The following CACNA1S variants were observed in gnomAD, a reference collection of about 807,000 sequenced individuals.
The protein encoded by CACNA1S is calcium voltage-gated channel subunit alpha1 S, also known as voltage-dependent L-type calcium channel subunit alpha-1S.
A neutral mutation model predicts 207.4 loss-of-function variants in CACNA1S; 126 were observed. That is an observed-to-expected ratio of 0.61 (90% CI 0.53 to 0.70). CACNA1S has a LOEUF of 0.70. Among genes scored for constraint, CACNA1S ranks in the 30% least tolerant of loss-of-function variants. The pLI, the probability that CACNA1S is intolerant of heterozygous loss-of-function variation, is 0.00. For synonymous variants in CACNA1S, 960 were observed against 932.7 expected, an observed-to-expected ratio of 1.03 and a Z score of -0.53; for missense variants, 2,349 against 2,422.8, an observed-to-expected ratio of 0.97 and a Z score of 0.64.
chr1:201,045,069 T>A (rs1261247906), intron 38 of CACNA1S, among the ~76,000 whole-genome samples: 1 of 152,242 alleles, frequency 6.6e-6, no homozygotes, highest in Non-Finnish European at 1.5e-5. Flanking sequence ...GTCTTCTAGA[T>A]TGGTGATCTT....
chr1:201,077,192 G>C, intron 11 of CACNA1S, 65 bp from the exon 12 acceptor site: 1 of 1,397,652 alleles, frequency 7.2e-7, no homozygotes, highest in Non-Finnish European at 1.0e-6. Context: ...ACGAGGTGTG[G>C]ACAGGCTTGG....
At chr1:201,057,591 T>G (rs927877138) in intron 28 of CACNA1S, among the ~76,000 whole-genome samples, 1 of 152,248 alleles carries the variant, frequency 6.6e-6, no homozygotes, top group South Asian at 2.1e-4. Flanking sequence ...AATAAATGAG[T>G]GAGTCTTCTA....
intron 26 of CACNA1S, among the ~76,000 whole-genome samples, chr1:201,059,627 C>T (rs188853601): frequency 2.6e-5 from 4 of 152,292 alleles, no homozygotes; most frequent in African/African-American, 9.6e-5. Context: ...TTTGGGAGGA[C>T]CAGGATGGCA....
At chr1:201,095,291 G>A (rs997409359) in intron 2 of CACNA1S, among the ~76,000 whole-genome samples, 1 of 151,990 alleles carries the variant, frequency 6.6e-6, no homozygotes, top group Non-Finnish European at 1.5e-5. Context: ...ATCACCATTA[G>A]TCTGCAACAC....
chr1:201,101,789 G>A (rs1032623575), intron 2 of CACNA1S, among the ~76,000 whole-genome samples: 1 of 152,148 alleles, frequency 6.6e-6, no homozygotes, highest in African/African-American at 2.4e-5. Context: ...GGCCAGCCCC[G>A]ATGGCCCTTG....
intron 12 of CACNA1S, among the ~76,000 whole-genome samples, chr1:201,076,068 G>A (rs1381700443): frequency 2.6e-5 from 4 of 152,066 alleles, no homozygotes; most frequent in African/African-American, 4.8e-5. Flanking sequence ...ACTCCATCTC[G>A]AAAAACAAAA....
chr1:201,072,653 A>C (rs1661465674), intron 16 of CACNA1S, 102 bp downstream of exon 16: 1 of 834,642 alleles, frequency 1.2e-6, no homozygotes, highest in African/African-American at 1.7e-5. Flanking sequence ...GGAGGGGTAC[A>C]GGTAGGGACA....
rs1254928185 is a variant in CACNA1S at position 201,053,744 on chromosome 1, G to C, written c.3667-157C>G. On this transcript the variant is annotated intron_variant, in intron 29 of 43. Transcript: ENST00000362061. This position sits in a 1 kb window ranked among gnomAD's most constrained non-coding sequence, Gnocchi z 5.1. ...TGGCCCCTGCTGTCCACTAGTTCGG[G>C]ACCATCCTTGGGCACAGGGCTCTGG... Among the ~76,000 whole-genome samples the C allele has an allele frequency of 1.3e-5, 2 of 152,168 alleles. No individual in the cohort carries two copies. Among genetic ancestry groups the C allele is most frequent in the African/African-American group, 4.8e-5 (2 of 41,448 alleles).
intron 2 of CACNA1S, among the ~76,000 whole-genome samples, chr1:201,103,853 C>T (rs944961209): frequency 1.3e-5 from 2 of 152,152 alleles, no homozygotes; most frequent in Admixed American, 6.5e-5. Flanking sequence ...GCTCCAGCCT[C>T]GTGGAGGACG....
In CACNA1S at chr1:201,047,861, C is replaced by T. The variant is rs1660519305; in HGVS notation, c.4442-235G>A. 2.0e-5 allele frequency among the ~76,000 whole-genome samples: 3 copies of T among 152,326 alleles called. No homozygotes were observed. In the South Asian group the frequency reaches 6.2e-4, roughly 32 times the overall value. ...CCCCACAGGCCTTGGCTTCCAGTGC[C>T]CAGAGTGGTTGGTTTTACAGGCTGT... is the stretch of plus-strand genomic sequence containing the variant. On this transcript the variant is annotated intron_variant, in intron 36 of 43. Coordinates refer to ENST00000362061, the MANE Select transcript of CACNA1S (RefSeq NM_000069.3).
In CACNA1S at chr1:201,070,330, C is replaced by A; in HGVS notation, c.2302G>T (p.Glu768Ter). 1 of 1,614,128 alleles carries A rather than the reference C, an allele frequency of 6.2e-7. No individual in the cohort carries two copies. The highest frequency in any genetic ancestry group is 1.1e-5 in the South Asian group (1 of 91,082). The change falls in exon 17 of 44, where the codon GAG (glutamate) becomes TAG (stop). Residue 768 changes from glutamate to a stop codon, truncating the protein, a stop_gained. Transcript: ENST00000362061. LOFTEE classifies it high-confidence loss of function. ...PRPLAELQLK[E>*]KAVPIPEASS... ...GCTTCTGGAATGGGCACGGCCTTCT[C>A]TTTCAGCTGCAGCTCAGCCAGGGGA... is the stretch of plus-strand genomic sequence containing the variant.
chr1:201,078,666 T>C (rs1661723061), intron 10 of CACNA1S, among the ~76,000 whole-genome samples: 1 of 152,022 alleles, frequency 6.6e-6, no homozygotes, highest in African/African-American at 2.4e-5. Context: ...CCTATACACC[T>C]CCCTCCTGGT....
In CACNA1S at chr1:201,062,486, G is replaced by A; in HGVS notation, c.2882C>T (p.Ser961Phe). The A allele has an allele frequency of 6.3e-7, 1 of 1,595,442 alleles. No homozygotes were observed. The highest frequency in any genetic ancestry group is 1.1e-5 in the South Asian group (1 of 90,874). ...KGKFFRCTDL[S>F]KMTEEECRGY... ...CCTGCACTCCTCCTCTGTCATCTTG[G>A]ACAAGTCGGTGCACCTGAAGAACTT... The change falls in exon 23 of 44, where the codon TCC becomes TTC. Residue 961 changes from serine (S) to phenylalanine (F), a missense_variant. Ser to Phe is a radical substitution (Grantham distance 155, BLOSUM62 -2). Coordinates refer to ENST00000362061, the MANE Select transcript of CACNA1S (RefSeq NM_000069.3).
At chr1:201,067,808 G>A (rs77394706) in intron 19 of CACNA1S, among the ~76,000 whole-genome samples, 8,212 of 152,192 alleles carry the variant, frequency 0.054, 249 homozygotes, top group African/African-American at 0.069. Flanking sequence ...TCTTGACCTC[G>A]AGGAAGCCAC....
Position 201,077,981 on chromosome 1 carries a change from C to T in CACNA1S, c.1517G>A (p.Ser506Asn). ...FNRFDCFVVC[S>N]GILEILLVES... ...CACCAGCAGGATCTCCAGGATACCGCTACACACCACGAAGCAGTCGAAGCG... is the reference window on the plus strand; with the variant it reads ...CACCAGCAGGATCTCCAGGATACCGTTACACACCACGAAGCAGTCGAAGCG... The change falls in exon 11 of 44, where the codon AGC (serine) becomes AAC (asparagine). Residue 506 changes from serine to asparagine, a missense_variant. Physicochemically the swap from Ser to Asn is conservative, Grantham distance 46. Coordinates refer to ENST00000362061, the MANE Select transcript of CACNA1S (RefSeq NM_000069.3). The T allele has an allele frequency of 6.2e-7, 1 of 1,614,210 alleles. No individual in the cohort carries two copies. Among genetic ancestry groups the T allele is most frequent in the African/African-American group, 1.3e-5 (1 of 75,064 alleles).
chr1:201,069,068 C>T, intron 19 of CACNA1S, 69 bp downstream of exon 19: 1 of 1,349,332 alleles, frequency 7.4e-7, no homozygotes, highest in Non-Finnish European at 1.1e-6. Context: ...CCCCTGAGTT[C>T]AGTGTGTGTA....
At chr1:201,112,063 G>A in intron 1 of CACNA1S, 125 bp downstream of exon 1, 2 of 862,042 alleles carry the variant, frequency 2.3e-6, no homozygotes, top group Non-Finnish European at 3.5e-6. Context: ...AATTCTGTGA[G>A]TTCACCCCAT....
Position 201,100,510 on chromosome 1 carries a change from G to C in CACNA1S, c.259-6489C>G, listed in dbSNP as rs16847736. Reference sequence around the variant, plus strand: ...TCACCCAAATAGACGTAACTGGAATGGGTATCCCTTGCCATCCTACCTCTG... The same window carrying C: ...TCACCCAAATAGACGTAACTGGAATCGGTATCCCTTGCCATCCTACCTCTG... On this transcript the variant is annotated intron_variant, in intron 2 of 43. Coordinates refer to ENST00000362061, the MANE Select transcript of CACNA1S (RefSeq NM_000069.3). Among the ~76,000 whole-genome samples the C allele has an allele frequency of 6.8e-3, 1,036 of 152,338 alleles. 9 individuals are homozygous for C. Among genetic ancestry groups the C allele is most frequent in the African/African-American group, 0.024 (994 of 41,582 alleles).
At chr1:201,060,938 C>T in intron 25 of CACNA1S, 122 bp from the exon 26 acceptor site, 1 of 1,204,096 alleles carries the variant, frequency 8.3e-7, no homozygotes, top group South Asian at 1.2e-5. Context: ...TGGCTGAGGA[C>T]TGTGAACTGT....
Sources: allele counts gnomAD v4.1 joint callset (sites outside exome capture counted in the v4.1 genomes callset), GRCh38; gene constraint gnomAD v4.1.1; non-coding constraint Gnocchi (gnomAD v3.1); transcripts MANE v1.5; gene names NCBI Gene and HGNC (gene_info 2026-07-23, HGNC 2026-07-21).